TFDP2: variants seen among roughly 807,000 people sequenced by gnomAD.
TFDP2 encodes transcription factor Dp-2 (E2F dimerization partner 2).
Under a neutral mutation model 59.3 loss-of-function variants are expected in TFDP2, and 17 were observed. That is an observed-to-expected ratio of 0.29 (90% CI 0.20 to 0.43). The LOEUF is 0.43. Ranked by LOEUF, TFDP2 falls within the 20% of genes least tolerant of loss-of-function variation. The pLI is 1.00. For missense variants in TFDP2, 391 were observed against 528.8 expected, an observed-to-expected ratio of 0.74 and a Z score of 2.56; for synonymous variants, 180 against 194.7, an observed-to-expected ratio of 0.92 and a Z score of 0.63.
intron 1 of TFDP2, among the ~76,000 whole-genome samples, chr3:142,127,452 G>A (rs1204109374): frequency 6.6e-6 from 1 of 151,616 alleles, no homozygotes; most frequent in African/African-American, 2.4e-5. Context: ...GATTACAGGC[G>A]TGCACCACTA....
Position 141,970,009 on chromosome 3 carries a change from C to T in TFDP2, c.732+64G>A. 2.0e-6 allele frequency: 3 copies of T among 1,501,894 alleles called. No homozygotes were observed. In the South Asian group the frequency reaches 3.4e-5, roughly 17 times the overall value. The allele number at this position is 1,501,894 out of a possible 1,614,324, so 93.0% of individuals were successfully genotyped here. ...AGAGGCACCACAATTAGAAAACACA[C>T]TGACTCCAAAAGGCAGCAAGTGGAG... is the stretch of plus-strand genomic sequence containing the variant. On this transcript the variant is annotated intron_variant, in intron 9 of 12. Transcript: ENST00000489671.
Position 142,149,407 on chromosome 3 carries a change from T to C in TFDP2, c.-317A>G, listed in dbSNP as rs1349401665. On this transcript the variant is annotated 5_prime_UTR_variant, in exon 1 of 13. Transcript: ENST00000489671. ...CTCGAGCCTGCCCAAAGATGAAGGG[T>C]CAGGGCGCGCCCCGCGGGCCGGGCA... 4 of 380,518 alleles carry C rather than the reference T, an allele frequency of 1.1e-5. No homozygotes were observed. Among genetic ancestry groups the C allele is most frequent in the Non-Finnish European group, 1.9e-5 (4 of 215,230 alleles). 23.6% of individuals were successfully genotyped at this position (380,518 alleles called of 1,614,324 possible).
intron 1 of TFDP2, among the ~76,000 whole-genome samples, chr3:142,123,783 T>C (rs2062136748): frequency 6.6e-6 from 1 of 152,184 alleles, no homozygotes; most frequent in Non-Finnish European, 1.5e-5. Flanking sequence ...ACCACTATTA[T>C]TTAACAGTGT....
chr3:141,966,170 ATTAT>A (rs914886464), intron 9 of TFDP2, among the ~76,000 whole-genome samples: 24 of 151,782 alleles, frequency 1.6e-4, no homozygotes, highest in African/African-American at 5.3e-4. Context: ...TTTTATTATT[ATTAT>A]TTATTATTAT....
chr3:142,091,637 G>C (rs542657257), intron 3 of TFDP2, among the ~76,000 whole-genome samples: 2 of 152,210 alleles, frequency 1.3e-5, no homozygotes, highest in African/African-American at 4.8e-5. Context: ...CTGCTCTCTA[G>C]AACAGTGGTC....
Position 142,134,735 on chromosome 3 carries a change from T to C in TFDP2, c.-93+14448A>G, listed in dbSNP as rs116620548. Among the ~76,000 whole-genome samples the C allele has an allele frequency of 6.4e-3, 981 of 152,206 alleles. 15 individuals are homozygous for C. The highest frequency in any genetic ancestry group is 0.022 in the African/African-American group (935 of 41,570). On this transcript the variant is annotated intron_variant, in intron 1 of 12. Transcript: ENST00000489671. ...TATTAAATAAGTCAGAAGCTCCTAA[T>C]ATTAACACATAGATAGGTAGATAGA...
chr3:141,995,517 C>T (rs1297789050), intron 4 of TFDP2, among the ~76,000 whole-genome samples: 1 of 152,206 alleles, frequency 6.6e-6, no homozygotes, highest in Non-Finnish European at 1.5e-5. Context: ...CACACTTCCA[C>T]AGTCCATCAT....
Position 142,019,330 on chromosome 3 carries a change from C to T in TFDP2, c.83-13786G>A, listed in dbSNP as rs532566205. Among the ~76,000 whole-genome samples, 43 of 152,296 alleles carry T rather than the reference C, an allele frequency of 2.8e-4. No homozygotes were observed. The South Asian group carries it at 7.5e-3, about 26-fold the overall frequency. On this transcript the variant is annotated intron_variant, in intron 3 of 12. Transcript: ENST00000489671. Reference sequence around the variant, plus strand: ...CCGCCCGCCTCAGCCTCCCAAAGTGCTGGGATTACAGGCGTGAGCCACTGC... The same window carrying T: ...CCGCCCGCCTCAGCCTCCCAAAGTGTTGGGATTACAGGCGTGAGCCACTGC...
Position 141,996,973 on chromosome 3 carries a change from T to C in TFDP2, c.187-1832A>G, listed in dbSNP as rs72990243. On this transcript the variant is annotated intron_variant, in intron 4 of 12. Coordinates refer to ENST00000489671, the MANE Select transcript of TFDP2 (RefSeq NM_001178139.2). Reference sequence around the variant, plus strand: ...ATAAGGCACTCAGAAGTTTGCCTCATGAGAAAACATAAAAACAGACAATGT... The same window carrying C: ...ATAAGGCACTCAGAAGTTTGCCTCACGAGAAAACATAAAAACAGACAATGT... Among the ~76,000 whole-genome samples the C allele has an allele frequency of 8.6e-3, 1,314 of 152,324 alleles. 21 individuals are homozygous for C. Among genetic ancestry groups the C allele is most frequent in the African/African-American group, 0.029 (1,224 of 41,566 alleles).
At chr3:142,125,229 C>G (rs113127281) in intron 1 of TFDP2, among the ~76,000 whole-genome samples, 4 of 151,962 alleles carry the variant, frequency 2.6e-5, no homozygotes, top group Non-Finnish European at 4.4e-5. Context: ...AAAAATCCCA[C>G]AAATTGCTTC....
chr3:142,044,622 C>T (rs770776409), intron 3 of TFDP2, among the ~76,000 whole-genome samples: 5 of 152,124 alleles, frequency 3.3e-5, no homozygotes, highest in African/African-American at 1.2e-4. Flanking sequence ...CTGCCCACCT[C>T]GGCTTCCCAA....
At position 142,146,987 on chromosome 3, in the gene TFDP2, G is replaced by C. The variant is rs146316140; in HGVS notation, c.-93+2196C>G. Among the ~76,000 whole-genome samples the C allele has an allele frequency of 2.2e-3, 337 of 151,830 alleles. 4 individuals carry two copies. The highest frequency in any genetic ancestry group is 7.6e-3 in the African/African-American group (315 of 41,376). On this transcript the variant is annotated intron_variant, in intron 1 of 12. Coordinates refer to ENST00000489671, the MANE Select transcript of TFDP2 (RefSeq NM_001178139.2). ...TGCCTATAACCCCAGCTACTTGGGA[G>C]GGTGAGGTGGGAGGATCACTTGAGC... is the stretch of plus-strand genomic sequence containing the variant.
intron 8 of TFDP2, among the ~76,000 whole-genome samples, chr3:141,970,514 CCTT>C (rs1450960111): frequency 2.6e-5 from 4 of 152,174 alleles, no homozygotes; most frequent in African/African-American, 9.7e-5. Context: ...TTCACAAAAA[CCTT>C]ATGAGTTAAG....
intron 3 of TFDP2, among the ~76,000 whole-genome samples, chr3:142,087,186 A>G (rs1308430559): frequency 6.6e-6 from 1 of 152,204 alleles, no homozygotes; most frequent in African/African-American, 2.4e-5. Flanking sequence ...GCAGAGACTA[A>G]TATATGTAGT....
intron 3 of TFDP2, among the ~76,000 whole-genome samples, chr3:142,006,550 G>A (rs1197558030): frequency 6.7e-6 from 1 of 150,136 alleles, no homozygotes; most frequent in Non-Finnish European, 1.5e-5. Context: ...GTCACTACAG[G>A]CTCAAACTCC....
At chr3:142,059,588 C>T (rs2059849296) in intron 3 of TFDP2, among the ~76,000 whole-genome samples, 1 of 151,268 alleles carries the variant, frequency 6.6e-6, no homozygotes, top group Admixed American at 6.6e-5. Flanking sequence ...AGCTTTCTTT[C>T]TTTTTTTTTG....
chr3:141,973,064 C>T (rs920761354), intron 8 of TFDP2, among the ~76,000 whole-genome samples: 1 of 136,366 alleles, frequency 7.3e-6, no homozygotes, highest in Non-Finnish European at 1.6e-5. Flanking sequence ...AAACAGGAAA[C>T]CAATCTTAAT....
At chr3:142,147,679 TC>T (rs2108764512) in intron 1 of TFDP2, among the ~76,000 whole-genome samples, 1 of 151,276 alleles carries the variant, frequency 6.6e-6, no homozygotes, top group Non-Finnish European at 1.5e-5. Context: ...GCCACAGTGC[TC>T]AAACTGCAAC....
chr3:142,076,213 A>C (rs1189833891), intron 3 of TFDP2, among the ~76,000 whole-genome samples: 1 of 144,362 alleles, frequency 6.9e-6, no homozygotes, highest in Non-Finnish European at 1.5e-5. Flanking sequence ...TCCGTCTCAA[A>C]AAAAAAAAAA....
Sources: allele counts gnomAD v4.1 joint callset (sites outside exome capture counted in the v4.1 genomes callset), GRCh38; gene constraint gnomAD v4.1.1; transcripts MANE v1.5; gene names NCBI Gene and HGNC (gene_info 2026-07-23, HGNC 2026-07-21).